Variants in GCNT1 observed in about 807,000 individuals in gnomAD.
GCNT1 encodes beta-1,3-galactosyl-O-glycosyl-glycoprotein beta-1,6-N-acetylglucosaminyltransferase.
GCNT1 carries 16 observed loss-of-function variants against 26.2 expected under a neutral mutation model. That is an observed-to-expected ratio of 0.61 (90% CI 0.41 to 0.93). GCNT1 has a LOEUF of 0.93. GCNT1 is among the 40% of genes least tolerant of loss of function. The probability of loss-of-function intolerance (pLI) is 0.00; values close to 1 mark genes in which losing one functional copy is unlikely to be tolerated. For missense variants in GCNT1, 477 were observed against 526.7 expected (o/e 0.91, Z 0.92); for synonymous variants, 183 against 190.8 (o/e 0.96, Z 0.34).
intron 2 of GCNT1, among the ~76,000 whole-genome samples, chr9:76,487,654 C>G (rs1824615491): frequency 6.6e-6 from 1 of 152,162 alleles, no homozygotes. Flanking sequence ...CTAGATGTTC[C>G]TTGACCTGGG....
At chr9:76,490,315 C>G (rs182857186) in intron 2 of GCNT1, among the ~76,000 whole-genome samples, 102 of 152,288 alleles carry the variant, frequency 6.7e-4, no homozygotes, top group African/African-American at 2.4e-3. Context: ...ATTGTAGTTA[C>G]TATCCTTACT....
At chr9:76,447,772 G>A (rs1015070819) in intron 1 of GCNT1, among the ~76,000 whole-genome samples, 7 of 152,128 alleles carry the variant, frequency 4.6e-5, no homozygotes, top group Non-Finnish European at 1.0e-4. Context: ...TAGGCATTTT[G>A]GTGCTCAGCT....
the GCNT1 span, among the ~76,000 whole-genome samples, chr9:76,407,083 A>G: frequency 6.6e-6 from 1 of 152,052 alleles, no homozygotes; most frequent in Non-Finnish European, 1.5e-5. Context: ...AAGGTCATCT[A>G]GATTTTCTCC....
intron 2 of GCNT1, among the ~76,000 whole-genome samples, chr9:76,479,155 G>T (rs1316182972): frequency 6.6e-6 from 1 of 152,136 alleles, no homozygotes; most frequent in Non-Finnish European, 1.5e-5. Flanking sequence ...ATGGTTTCCA[G>T]CTTCATCCAT....
chr9:76,458,601 A>G (rs1823802239), upstream of GCNT1, among the ~76,000 whole-genome samples: 1 of 152,240 alleles, frequency 6.6e-6, no homozygotes, highest in Non-Finnish European at 1.5e-5. Flanking sequence ...GAACTGTGTC[A>G]ACTTTTATAA....
chr9:76,469,615 T>C (rs1824086215), intron 2 of GCNT1, among the ~76,000 whole-genome samples: 1 of 152,194 alleles, frequency 6.6e-6, no homozygotes, highest in Non-Finnish European at 1.5e-5. Context: ...TTGTCCACCA[T>C]TGTTCTTTGC....
At chr9:76,416,272 C>T (rs1235805817), upstream of GCNT1, among the ~76,000 whole-genome samples, 1 of 152,150 alleles carries the variant, frequency 6.6e-6, no homozygotes, top group Non-Finnish European at 1.5e-5. Context: ...CCCACTCCAT[C>T]CCCTTTCCAG....
the GCNT1 span, chr9:76,399,401 G>C: frequency 6.8e-7 from 1 of 1,465,840 alleles, no homozygotes; most frequent in Non-Finnish European, 9.4e-7. Flanking sequence ...GACTGCTCCA[G>C]CTCCTGAGTT....
At chr9:76,480,009 T>G (rs1824375985) in intron 2 of GCNT1, among the ~76,000 whole-genome samples, 1 of 152,342 alleles carries the variant, frequency 6.6e-6, no homozygotes, top group African/African-American at 2.4e-5. Context: ...AATTCTTTAA[T>G]CCATCTTGAA....
At chr9:76,485,447 G>A (rs1337493288) in intron 2 of GCNT1, among the ~76,000 whole-genome samples, 3 of 151,534 alleles carry the variant, frequency 2.0e-5, no homozygotes, top group African/African-American at 7.3e-5. Context: ...GTGCTGGGAG[G>A]CCTGCATTTT....
the GCNT1 span, chr9:76,398,574 T>A: frequency 1.5e-6 from 1 of 671,164 alleles, no homozygotes; most frequent in East Asian, 2.7e-5. Flanking sequence ...TTATATTTAA[T>A]CAAATGAGGT....
intron 1 of GCNT1, among the ~76,000 whole-genome samples, chr9:76,422,320 C>T (rs901029436): frequency 7.2e-5 from 11 of 152,144 alleles, no homozygotes; most frequent in East Asian, 1.9e-4. Context: ...CCACCCGCCT[C>T]GGCCTCCCAA....
chr9:76,415,700 G>A (rs1034149786), upstream of GCNT1, among the ~76,000 whole-genome samples: 1 of 152,114 alleles, frequency 6.6e-6, no homozygotes, highest in African/African-American at 2.4e-5. Context: ...CAATGCCAAA[G>A]CACATGTGAA....
upstream of GCNT1, among the ~76,000 whole-genome samples, chr9:76,439,828 A>T (rs146184498): frequency 2.8e-4 from 43 of 152,216 alleles, no homozygotes; most frequent in East Asian, 7.7e-3. Flanking sequence ...GGCTGGGCGC[A>T]TTGGCTCATG....
intron 1 of GCNT1, among the ~76,000 whole-genome samples, chr9:76,459,572 G>T (rs1823827439): frequency 6.6e-6 from 1 of 152,220 alleles, no homozygotes; most frequent in African/African-American, 2.4e-5. Flanking sequence ...CTGGCCTCTT[G>T]CCCCTGGTCC....
chr9:76,395,793 T>C, the GCNT1 span, among the ~76,000 whole-genome samples: 1 of 152,150 alleles, frequency 6.6e-6, no homozygotes, highest in Non-Finnish European at 1.5e-5. Flanking sequence ...AATAGCAAGT[T>C]GTGAAAAGCA....
upstream of GCNT1, among the ~76,000 whole-genome samples, chr9:76,437,581 G>T (rs7041094): frequency 0.16 from 23,613 of 152,192 alleles, 1,873 homozygotes; most frequent in East Asian, 0.19. Flanking sequence ...TCTGTCTATA[G>T]AGTAGCCATT....
the GCNT1 span, among the ~76,000 whole-genome samples, chr9:76,413,763 A>T: frequency 6.8e-6 from 1 of 148,128 alleles, no homozygotes; most frequent in Non-Finnish European, 1.5e-5. Context: ...GGAAAGTCTC[A>T]GTCTTTATTG....
intron 1 of GCNT1, among the ~76,000 whole-genome samples, chr9:76,434,203 T>A (rs1823373769): frequency 6.6e-6 from 1 of 151,948 alleles, no homozygotes; most frequent in Admixed American, 6.6e-5. Flanking sequence ...CCACTGGGGG[T>A]CTTGGAACGT....
Sources: gnomAD v4.1 joint callset for allele counts (sites outside exome capture counted in the v4.1 genomes callset) on GRCh38, gnomAD v4.1.1 for gene constraint, MANE v1.5 for transcripts, NCBI Gene and HGNC (gene_info 2026-07-23, HGNC 2026-07-21) for gene names.